The following TAOK3 variants were observed in gnomAD, a reference collection of about 807,000 sequenced individuals.
TAOK3 encodes serine/threonine-protein kinase TAO3.
In TAOK3, 40 loss-of-function variants were observed where a neutral mutation model predicts 120.4. The ratio of observed to expected loss-of-function variants is 0.33; its 90% CI spans 0.26 to 0.43. TAOK3 has a LOEUF of 0.43. TAOK3 is among the 20% of genes least tolerant of loss of function. The pLI, the probability that TAOK3 is intolerant of heterozygous loss-of-function variation, is 1.00. For synonymous variants in TAOK3, 355 were observed against 387.5 expected, an observed-to-expected ratio of 0.92 and a Z score of 0.99; for missense variants, 821 against 1,112.1, an observed-to-expected ratio of 0.74 and a Z score of 3.72.
chr12:118,368,712 A>G (rs542680240), intron 1 of TAOK3, among the ~76,000 whole-genome samples: 2 of 150,862 alleles, frequency 1.3e-5, no homozygotes, highest in African/African-American at 4.8e-5. Flanking sequence ...AGGCTGAGGC[A>G]GGAGAATCGC....
chr12:118,350,679 T>C (rs2045101328), intron 1 of TAOK3, among the ~76,000 whole-genome samples: 1 of 150,230 alleles, frequency 6.7e-6, no homozygotes, highest in Non-Finnish European at 1.5e-5. Flanking sequence ...GCCAACATGG[T>C]GAAACTCTGT....
Position 118,193,049 on chromosome 12 carries a change from G to GTT in TAOK3, c.1195-3110_1195-3109dup, listed in dbSNP as rs11380296. Reference sequence around the variant, plus strand: ...AACCTGGTAAACTTACCACGTTGTTGTTTTTTTTTTTTTTTTTTTTTGAGA... The same window carrying GTT: ...AACCTGGTAAACTTACCACGTTGTTGTTTTTTTTTTTTTTTTTTTTTTTGAGA... On this transcript the variant is annotated intron_variant, in intron 13 of 20. Transcript: ENST00000392533. 4.2e-3 allele frequency among the ~76,000 whole-genome samples: 449 copies of GTT among 107,356 alleles called. 22 individuals carry two copies. The highest frequency in any genetic ancestry group is 9.3e-3 in the African/African-American group (263 of 28,142). The allele number at this position is 107,356 out of a possible 152,430, so 70.4% of individuals were successfully genotyped here.
rs372010412 is a variant in TAOK3 at position 118,322,312 on chromosome 12, CAAAAAA to C, written c.-194+50330_-194+50335del. Among the ~76,000 whole-genome samples, 7 of 65,864 alleles carry C rather than the reference CAAAAAA, an allele frequency of 1.1e-4. No homozygotes were observed. The South Asian group carries it at 3.5e-3, about 33-fold the overall frequency. The allele number at this position is 65,864 out of a possible 152,430, so 43.2% of individuals were successfully genotyped here. ...CCTGGGCAGCAGAGTGAGACTGTCT[CAAAAAA>C]AAAAAAAAAAAAAAAAATTGAAGAA... On this transcript the variant is annotated intron_variant, in intron 1 of 20. Coordinates refer to ENST00000392533, the MANE Select transcript of TAOK3 (RefSeq NM_016281.4).
chr12:118,233,523 C>T (rs1035807527), intron 9 of TAOK3, 151 bp downstream of exon 9: 16 of 509,508 alleles, frequency 3.1e-5, no homozygotes, highest in Admixed American at 2.8e-4. Context: ...CTAATAAATT[C>T]GCATTGCCTA....
At chr12:118,286,030 T>C (rs560181233) in intron 1 of TAOK3, among the ~76,000 whole-genome samples, 42 of 152,310 alleles carry the variant, frequency 2.8e-4, no homozygotes, top group African/African-American at 1.0e-3. Context: ...CAATCAGATA[T>C]GCATTTACCT....
chr12:118,309,909 T>C (rs1943978185), intron 1 of TAOK3, among the ~76,000 whole-genome samples: 2 of 152,126 alleles, frequency 1.3e-5, no homozygotes, highest in Non-Finnish European at 1.5e-5. Flanking sequence ...AGTTTTCCTG[T>C]TTCTCTTCTT....
At chr12:118,253,930 TC>T (rs1465834346) in intron 3 of TAOK3, among the ~76,000 whole-genome samples, 1 of 151,792 alleles carries the variant, frequency 6.6e-6, no homozygotes, top group Non-Finnish European at 1.5e-5. Flanking sequence ...ATGCCTGTAA[TC>T]CCAGCTATGT....
intron 1 of TAOK3, among the ~76,000 whole-genome samples, chr12:118,345,611 A>T (rs757475512): frequency 9.2e-5 from 14 of 152,128 alleles, no homozygotes; most frequent in Admixed American, 1.3e-4. Flanking sequence ...TGGTGGGTGG[A>T]GAAAAAAACA....
chr12:118,310,232 C>T (rs1051775653), intron 1 of TAOK3, among the ~76,000 whole-genome samples: 1 of 152,122 alleles, frequency 6.6e-6, no homozygotes, highest in Non-Finnish European at 1.5e-5. Context: ...TGCAGTGAGC[C>T]GTGATCGTGC....
chr12:118,361,048 A>G (rs2045581803), intron 1 of TAOK3, among the ~76,000 whole-genome samples: 1 of 152,248 alleles, frequency 6.6e-6, no homozygotes, highest in Non-Finnish European at 1.5e-5. Context: ...TTGTATATGC[A>G]GAAAACTGAT....
rs1565941554 is a variant in TAOK3, at chr12:118,202,629, CTTTT to C, written c.820-1170_820-1167del. Among the ~76,000 whole-genome samples, 5 of 151,980 alleles carry C rather than the reference CTTTT, an allele frequency of 3.3e-5. No homozygotes were observed. The East Asian group carries it at 9.7e-4, about 29-fold the overall frequency. On this transcript the variant is annotated intron_variant, in intron 11 of 20. Transcript: ENST00000392533. ...CCAATAATTAGTGAATGTTGAGTAT[CTTTT>C]CATATAAGAATTCTTGAGGTTTACT...
In TAOK3 at chr12:118,201,477, G is replaced by A. The variant is rs79620702; in HGVS notation, c.820-14C>T. 4,330 of 1,592,056 alleles carry A rather than the reference G, an allele frequency of 2.7e-3. 108 individuals carry two copies. In the African/African-American group the frequency reaches 0.05, roughly 18 times the overall value. On this transcript the variant is annotated splice_polypyrimidine_tract_variant and intron_variant, in intron 11 of 20. Coordinates refer to ENST00000392533, the MANE Select transcript of TAOK3 (RefSeq NM_016281.4). ...AACAAAGTCATGCTGATTGAGGGAG[G>A]AGGAAAAAATAAACTGATAATGAAG...
intron 17 of TAOK3, among the ~76,000 whole-genome samples, chr12:118,162,521 G>A (rs925817274): frequency 2.6e-5 from 4 of 152,068 alleles, no homozygotes; most frequent in African/African-American, 9.7e-5. Flanking sequence ...TTCTCCAGGT[G>A]GTGCCAATAA....
At position 118,250,181 on chromosome 12, in the gene TAOK3, G is replaced by A. The variant is rs141905879; in HGVS notation, c.121-5216C>T. Among the ~76,000 whole-genome samples, 365 of 151,296 alleles carry A rather than the reference G, an allele frequency of 2.4e-3. 11 individuals are homozygous for A. The East Asian group carries it at 0.061, about 25-fold the overall frequency. On this transcript the variant is annotated intron_variant, in intron 3 of 20. Coordinates refer to ENST00000392533, the MANE Select transcript of TAOK3 (RefSeq NM_016281.4). The stretch of plus-strand genomic sequence containing the variant: ...CCACTATGTTGCCCAGGCTGGTCTC[G>A]AACTCCTGGGCTAAAGTGATTCTCC...
chr12:118,360,310 G>T (rs940011163), intron 1 of TAOK3, among the ~76,000 whole-genome samples: 1 of 151,090 alleles, frequency 6.6e-6, no homozygotes, highest in Non-Finnish European at 1.5e-5. Flanking sequence ...GCTCACGCCT[G>T]TAATTCCAGC....
At chr12:118,285,154 T>C (rs1160370131) in intron 1 of TAOK3, among the ~76,000 whole-genome samples, 2 of 152,088 alleles carry the variant, frequency 1.3e-5, no homozygotes, top group African/African-American at 4.8e-5. Flanking sequence ...TAGATTCTCA[T>C]GCCTCAGCCT....
Position 118,255,580 on chromosome 12 carries a change from A to C in TAOK3, c.-13T>G. On this transcript the variant is annotated 5_prime_UTR_variant, in exon 3 of 21. Coordinates refer to ENST00000392533, the MANE Select transcript of TAOK3 (RefSeq NM_016281.4). The stretch of plus-strand genomic sequence containing the variant: ...CCCCTTTACGCATGATGGCCAGTAG[A>C]GCAGGCTCTGCTTTTTGATATCAGT... 3 of 1,594,748 alleles carry C rather than the reference A, an allele frequency of 1.9e-6. 1 individual carries two copies. In the South Asian group the frequency reaches 3.4e-5, roughly 18 times the overall value.
intron 1 of TAOK3, among the ~76,000 whole-genome samples, chr12:118,363,018 C>CAAAAAAAAAAAAAAAAAAAA (rs60475060): frequency 1.6e-3 from 74 of 45,878 alleles, no homozygotes; most frequent in African/African-American, 2.2e-3. Flanking sequence ...GACTCCGTAT[C>CAAAAAAAAAAAAAAAAAAAA]AAAAAAAAAA....
rs947815405 is a variant in TAOK3 at position 118,371,520 on chromosome 12, C to A, written c.-194+1128G>T. On this transcript the variant is annotated intron_variant, in intron 1 of 20. Coordinates refer to ENST00000392533, the MANE Select transcript of TAOK3 (RefSeq NM_016281.4). The surrounding 1 kb of genome is among the most constrained non-coding windows in gnomAD (Gnocchi z 5.5). ...TTCAGAGATGTTTCATGACATAATC[C>A]GGCTCCGGAGTCCCCCGGAGTCCCG... Among the ~76,000 whole-genome samples the A allele has an allele frequency of 2.3e-5, 1 of 42,764 alleles. No individual in the cohort carries two copies. The highest frequency in any genetic ancestry group is 3.0e-4 in the Admixed American group (1 of 3,334). 28.1% of individuals were successfully genotyped at this position (42,764 alleles called of 152,430 possible). A position where few individuals can be genotyped will look rare whatever the true frequency, so the allele number is the denominator to read the frequency against.
Sources: gnomAD v4.1 joint callset for allele counts (sites outside exome capture counted in the v4.1 genomes callset) on GRCh38, gnomAD v4.1.1 for gene constraint, Gnocchi (gnomAD v3.1) non-coding constraint, MANE v1.5 for transcripts, NCBI Gene and HGNC (gene_info 2026-07-23, HGNC 2026-07-21) for gene names.